DMXL2: variants seen among roughly 807,000 people sequenced by gnomAD.
DMXL2 encodes the protein dmX-like protein 2.
DMXL2 carries 103 observed loss-of-function variants against 331.1 expected under a neutral mutation model. That is an observed-to-expected ratio of 0.31 (90% CI 0.27 to 0.37). The LOEUF (loss-of-function observed/expected upper bound fraction) is 0.37, where lower values mean the gene tolerates loss of function less well. DMXL2 is among the 10% of genes least tolerant of loss of function. The probability of loss-of-function intolerance (pLI) is 1.00; values close to 1 mark genes in which losing one functional copy is unlikely to be tolerated. For missense variants in DMXL2, 3,171 were observed against 3,642.9 expected (o/e 0.87, Z 3.33); for synonymous variants, 1,281 against 1,252.1 (o/e 1.02, Z -0.49).
intron 18 of DMXL2, among the ~76,000 whole-genome samples, chr15:51,496,468 T>C (rs1462416270): frequency 6.6e-6 from 1 of 152,226 alleles, no homozygotes; most frequent in East Asian, 1.9e-4. Context: ...AAGAAGAGCA[T>C]TCTAATAGAG....
intron 1 of DMXL2, among the ~76,000 whole-genome samples, chr15:51,609,525 C>T (rs1039143107): frequency 3.9e-5 from 6 of 152,142 alleles, no homozygotes; most frequent in African/African-American, 1.4e-4. Flanking sequence ...ACACAAATAC[C>T]AATGCAGTAC....
At chr15:51,467,433 A>C (rs540990730) in intron 29 of DMXL2, among the ~76,000 whole-genome samples, 1 of 152,318 alleles carries the variant, frequency 6.6e-6, no homozygotes, top group African/African-American at 2.4e-5. Context: ...GAAAAAGGAA[A>C]AATACCATAA....
intron 1 of DMXL2, among the ~76,000 whole-genome samples, chr15:51,599,853 A>C (rs538139518): frequency 6.6e-6 from 1 of 152,098 alleles, no homozygotes; most frequent in Non-Finnish European, 1.5e-5. Context: ...GCACGTGCCA[A>C]CATGCCCAGC....
chr15:51,606,359 G>T (rs1253319226), intron 1 of DMXL2, among the ~76,000 whole-genome samples: 3 of 151,986 alleles, frequency 2.0e-5, no homozygotes, highest in Non-Finnish European at 4.4e-5. Flanking sequence ...GCTATGCCCA[G>T]CTAATTTCGT....
chr15:51,594,241 T>G (rs1397349305), intron 1 of DMXL2, among the ~76,000 whole-genome samples: 2 of 152,264 alleles, frequency 1.3e-5, no homozygotes, highest in African/African-American at 4.8e-5. Flanking sequence ...ATATCACCAC[T>G]GATCCCACAG....
intron 13 of DMXL2, among the ~76,000 whole-genome samples, chr15:51,532,830 A>G (rs1385712331): frequency 6.6e-6 from 1 of 152,198 alleles, no homozygotes; most frequent in Non-Finnish European, 1.5e-5. Context: ...ACAAAATAAG[A>G]AAAATAAAAG....
intron 1 of DMXL2, among the ~76,000 whole-genome samples, chr15:51,587,162 A>T (rs552754429): frequency 7.4e-4 from 112 of 152,350 alleles, no homozygotes; most frequent in African/African-American, 2.5e-3. Flanking sequence ...CTTCTAAAGA[A>T]ATAAAAATAA....
chr15:51,554,642 T>C (rs1048579206), intron 6 of DMXL2, among the ~76,000 whole-genome samples: 1 of 152,238 alleles, frequency 6.6e-6, no homozygotes, highest in African/African-American at 2.4e-5. Context: ...TTCAGTGTTT[T>C]ATTTTTAAAA....
chr15:51,598,723 G>A (rs574018072), intron 1 of DMXL2, among the ~76,000 whole-genome samples: 2 of 152,252 alleles, frequency 1.3e-5, no homozygotes. Context: ...CAGAAATGTA[G>A]CAATGTTCTT....
In DMXL2 at chr15:51,499,771, T is replaced by C. The variant is rs771566507; in HGVS notation, c.3453A>G (p.Ser1151=). ...VDSNLFVYSK[S]DALLSKDRYL... ...ATCTATCCTTGCTCAAGAGTGCATCTGACTTGCTATACACAAACAGATTAC... is the reference window on the plus strand; with the variant it reads ...ATCTATCCTTGCTCAAGAGTGCATCCGACTTGCTATACACAAACAGATTAC... Residue 1151 remains serine, a synonymous_variant, in exon 18 of 44, where the codon TCA becomes TCG. Transcript: ENST00000560891. 3.7e-6 allele frequency: 6 copies of C among 1,614,176 alleles called. No individual in the cohort carries two copies. The Admixed American group carries it at 1.0e-4, about 27-fold the overall frequency.
chr15:51,471,012 T>C (rs1033757438), intron 29 of DMXL2, among the ~76,000 whole-genome samples: 2 of 152,192 alleles, frequency 1.3e-5, no homozygotes, highest in Non-Finnish European at 2.9e-5. Flanking sequence ...ATAACTCCCA[T>C]GTGATTTTAA....
In DMXL2 at chr15:51,576,182, C is replaced by CAAAAAAAAAA; in HGVS notation, c.88-2_88-1insTTTTTTTTTT. The CAAAAAAAAAA allele has an allele frequency of 6.8e-6, 5 of 734,586 alleles. No individual in the cohort carries two copies. The highest frequency in any genetic ancestry group is 5.2e-5 in the African/African-American group (1 of 19,152). The allele number at this position is 734,586 out of a possible 1,614,324, so 45.5% of individuals were successfully genotyped here. On this transcript the variant is annotated splice_acceptor_variant, in intron 1 of 43. Transcript: ENST00000560891. LOFTEE classifies it high-confidence loss of function. ...CAATATCACAGCCTGATCCATATGC[C>CAAAAAAAAAA]TAAAAAAAAAAAAAAAAAAAAGTTT...
intron 6 of DMXL2, among the ~76,000 whole-genome samples, chr15:51,549,176 G>A (rs1000340865): frequency 6.6e-6 from 1 of 151,992 alleles, no homozygotes; most frequent in Non-Finnish European, 1.5e-5. Flanking sequence ...CATCTTCATA[G>A]CTTAGCTCCC....
chr15:51,505,099 C>G (rs1442073218), intron 16 of DMXL2, among the ~76,000 whole-genome samples: 1 of 152,318 alleles, frequency 6.6e-6, no homozygotes, highest in East Asian at 1.9e-4. Flanking sequence ...CCAGAAGGTA[C>G]TCAACATGTT....
At chr15:51,605,519 T>TAACGAACATAGA (rs1567177982) in intron 1 of DMXL2, among the ~76,000 whole-genome samples, 1 of 42,068 alleles carries the variant, frequency 2.4e-5, no homozygotes, top group African/African-American at 1.2e-4. Flanking sequence ...TTAATATTCT[T>TAACGAACATAGA]TTTTTTTTTT....
intron 1 of DMXL2, among the ~76,000 whole-genome samples, chr15:51,592,137 GA>G (rs1231068579): frequency 6.6e-6 from 1 of 151,830 alleles, no homozygotes; most frequent in East Asian, 1.9e-4. Context: ...GAGAACGTTC[GA>G]ACCCATGGCA....
At chr15:51,617,709 T>G (rs78140840) in intron 1 of DMXL2, among the ~76,000 whole-genome samples, 1,801 of 152,328 alleles carry the variant, frequency 0.012, 37 homozygotes, top group African/African-American at 0.042. Flanking sequence ...TTAAAGAATA[T>G]CTTTAAGAAC....
chr15:51,577,708 G>A (rs552423480), intron 1 of DMXL2, among the ~76,000 whole-genome samples: 74 of 152,164 alleles, frequency 4.9e-4, no homozygotes, highest in African/African-American at 1.7e-3. Context: ...AATTTCCAAC[G>A]TGCCTTATAT....
At chr15:51,575,748 A>G (rs2050982264) in intron 2 of DMXL2, among the ~76,000 whole-genome samples, 1 of 152,146 alleles carries the variant, frequency 6.6e-6, no homozygotes, top group African/African-American at 2.4e-5. Flanking sequence ...AGAAGAAAAA[A>G]GTTTACTTCC....
Sources: allele counts gnomAD v4.1 joint callset (sites outside exome capture counted in the v4.1 genomes callset), GRCh38; gene constraint gnomAD v4.1.1; transcripts MANE v1.5; gene names NCBI Gene and HGNC (gene_info 2026-07-23, HGNC 2026-07-21).